PTPRD: variants seen among roughly 807,000 people sequenced by gnomAD.
PTPRD encodes receptor-type tyrosine-protein phosphatase delta.
In PTPRD, 34 loss-of-function variants were observed where a neutral mutation model predicts 214.5. The ratio of observed to expected loss-of-function variants is 0.16; its 90% confidence interval spans 0.12 to 0.21. The LOEUF (loss-of-function observed/expected upper bound fraction) is 0.21, where lower values mean the gene tolerates loss of function less well. Ranked by LOEUF, PTPRD falls within the 10% of genes least tolerant of loss-of-function variation. The pLI is 1.00. For synonymous variants in PTPRD, 1,128 were observed against 845.7 expected, an observed-to-expected ratio of 1.33 and a Z score of -5.79; for missense variants, 2,545 against 2,398.7, an observed-to-expected ratio of 1.06 and a Z score of -1.27.
intron 11 of PTPRD, among the ~76,000 whole-genome samples, chr9:8,973,022 A>G (rs937323889): frequency 6.6e-6 from 1 of 151,348 alleles, no homozygotes; most frequent in Non-Finnish European, 1.5e-5. Flanking sequence ...AAAAAAAAAA[A>G]CACTTTCATA....
intron 2 of PTPRD, among the ~76,000 whole-genome samples, chr9:10,373,588 G>A (rs1344487344): frequency 6.6e-6 from 1 of 152,002 alleles, no homozygotes; most frequent in East Asian, 1.9e-4. Flanking sequence ...GAAGTCAAAG[G>A]AAAATAGAAA....
chr9:10,159,827 T>C (rs541088196), intron 3 of PTPRD, among the ~76,000 whole-genome samples: 2 of 151,746 alleles, frequency 1.3e-5, no homozygotes, highest in African/African-American at 4.8e-5. Context: ...AAAAAAAGAT[T>C]GAAAATTAAG....
intron 11 of PTPRD, among the ~76,000 whole-genome samples, chr9:8,940,202 G>T (rs7027494): frequency 0.49 from 73,691 of 149,872 alleles, 18,550 homozygotes; most frequent in East Asian, 0.76. Context: ...CCCTGATACC[G>T]TGTTTGCACC....
intron 6 of PTPRD, among the ~76,000 whole-genome samples, chr9:9,765,731 G>T (rs1196552462): frequency 1.3e-5 from 2 of 152,150 alleles, no homozygotes; most frequent in African/African-American, 4.8e-5. Context: ...CATGATCTCG[G>T]CTCACTGCAA....
intron 8 of PTPRD, among the ~76,000 whole-genome samples, chr9:9,472,932 T>A (rs117098459): frequency 1.6e-3 from 249 of 152,308 alleles, no homozygotes; most frequent in Admixed American, 2.8e-3. Flanking sequence ...TCAGGATAAT[T>A]AGCATATCCA....
intron 4 of PTPRD, among the ~76,000 whole-genome samples, chr9:10,032,466 T>C (rs1253132233): frequency 1.3e-5 from 2 of 152,150 alleles, no homozygotes; most frequent in Non-Finnish European, 1.5e-5. Context: ...ACTACCTCCC[T>C]GAAATTCTTT....
At position 8,499,644 on chromosome 9, in the gene PTPRD, T is replaced by C. The variant is rs757844904; in HGVS notation, c.2322+3A>G. 6.2e-7 allele frequency: 1 copy of C among 1,612,414 alleles called. No individual in the cohort carries two copies. The highest frequency in any genetic ancestry group is 8.5e-7 in the Non-Finnish European group (1 of 1,179,400). On this transcript the variant is annotated splice_donor_region_variant and intron_variant, in intron 25 of 45. Coordinates refer to ENST00000381196, the MANE Select transcript of PTPRD (RefSeq NM_002839.4). ...ACAGAGGTACATAATTTCAGAGGCT[T>C]ACCTGTGCATCAGCCAGCATGACAT...
chr9:8,397,063 C>G (rs2091358815), intron 36 of PTPRD, among the ~76,000 whole-genome samples: 1 of 152,108 alleles, frequency 6.6e-6, no homozygotes, highest in African/African-American at 2.4e-5. Context: ...ATGATTTATG[C>G]TCTGAAGAGT....
At chr9:10,136,201 A>G (rs1017197944) in intron 3 of PTPRD, among the ~76,000 whole-genome samples, 14 of 152,110 alleles carry the variant, frequency 9.2e-5, no homozygotes, top group African/African-American at 3.1e-4. Flanking sequence ...CTAAATACAT[A>G]TGCAATGCAA....
At chr9:10,423,384 A>G (rs1407563427) in intron 2 of PTPRD, among the ~76,000 whole-genome samples, 1 of 152,008 alleles carries the variant, frequency 6.6e-6, no homozygotes, top group Non-Finnish European at 1.5e-5. Flanking sequence ...CAGCAAACCA[A>G]CATGGCACAT....
At chr9:9,392,854 A>G (rs888879272) in intron 9 of PTPRD, among the ~76,000 whole-genome samples, 1 of 152,100 alleles carries the variant, frequency 6.6e-6, no homozygotes, top group Non-Finnish European at 1.5e-5. Flanking sequence ...ATAGTAATGA[A>G]ACTATATTAC....
intron 3 of PTPRD, among the ~76,000 whole-genome samples, chr9:10,338,246 G>A (rs1434591600): frequency 1.3e-5 from 2 of 151,716 alleles, no homozygotes; most frequent in South Asian, 2.1e-4. Flanking sequence ...TATAGTAAGT[G>A]CTATAGCTCA....
intron 5 of PTPRD, among the ~76,000 whole-genome samples, chr9:9,831,747 G>A (rs1010042327): frequency 2.0e-5 from 3 of 151,924 alleles, no homozygotes; most frequent in African/African-American, 7.2e-5. Context: ...CATCAATAAG[G>A]AATTTTGAAA....
intron 9 of PTPRD, among the ~76,000 whole-genome samples, chr9:9,386,750 T>C (rs1176890163): frequency 1.3e-5 from 2 of 152,050 alleles, no homozygotes; most frequent in Admixed American, 6.6e-5. Flanking sequence ...ATTAACCCTC[T>C]GGATGGGGAA....
At chr9:8,486,389 G>C (rs2135986376) in intron 27 of PTPRD, 40 bp from the exon 28 acceptor site, 1 of 1,522,734 alleles carries the variant, frequency 6.6e-7, no homozygotes, top group South Asian at 1.1e-5. Flanking sequence ...CAACCAATCT[G>C]AACGTTCACA....
chr9:9,524,103 C>G (rs905772898), intron 8 of PTPRD, among the ~76,000 whole-genome samples: 1 of 152,036 alleles, frequency 6.6e-6, no homozygotes, highest in Non-Finnish European at 1.5e-5. Context: ...CTGTATGTTA[C>G]CAAGAGGAAA....
chr9:9,481,691 C>G (rs2095421658), intron 8 of PTPRD, among the ~76,000 whole-genome samples: 1 of 151,536 alleles, frequency 6.6e-6, no homozygotes, highest in Admixed American at 6.6e-5. Flanking sequence ...GCGAAAATGC[C>G]TAGAGCTCGC....
At chr9:8,684,151 A>G (rs1353533738) in intron 12 of PTPRD, among the ~76,000 whole-genome samples, 1 of 152,186 alleles carries the variant, frequency 6.6e-6, no homozygotes, top group Non-Finnish European at 1.5e-5. Context: ...TGATAGTAAC[A>G]GATGTCTTTT....
At chr9:9,184,984 A>C (rs1254380286) in intron 9 of PTPRD, among the ~76,000 whole-genome samples, 1 of 152,076 alleles carries the variant, frequency 6.6e-6, no homozygotes, top group Non-Finnish European at 1.5e-5. Flanking sequence ...CAGCAAGTGG[A>C]ACACATCAAA....
Sources: allele counts gnomAD v4.1 joint callset (sites outside exome capture counted in the v4.1 genomes callset), GRCh38; gene constraint gnomAD v4.1.1; transcripts MANE v1.5; gene names NCBI Gene and HGNC (gene_info 2026-07-23, HGNC 2026-07-21).